CFAP263: variants seen among roughly 807,000 people sequenced by gnomAD.
CFAP263 encodes cilia- and flagella-associated protein 263.
At chr16:58,277,289 C>T in the CFAP263 span, among the ~76,000 whole-genome samples, 3 of 151,878 alleles carry the variant, frequency 2.0e-5, no homozygotes, top group Admixed American at 6.6e-5. Flanking sequence ...TCACCATGCC[C>T]GACTCAGTTT....
At chr16:58,260,561 T>TA in the CFAP263 span, among the ~76,000 whole-genome samples, 2 of 152,208 alleles carry the variant, frequency 1.3e-5, no homozygotes, top group Non-Finnish European at 2.9e-5. Context: ...TTTCTGGGAA[T>TA]ATGGCCTGGT....
At chr16:58,268,001 GGAAAGAGAGAGA>G in the CFAP263 span, among the ~76,000 whole-genome samples, 22 of 150,524 alleles carry the variant, frequency 1.5e-4, no homozygotes, top group Non-Finnish European at 2.8e-4. Context: ...GACAGAGAGA[GGAAAGAGAGAGA>G]GAAAGAGAGA....
At chr16:58,279,851 C>T in the CFAP263 span, 25 of 1,188,510 alleles carry the variant, frequency 2.1e-5, no homozygotes, top group Non-Finnish European at 2.7e-5. Context: ...GTCACGGGCT[C>T]CTCTCACTGT....
chr16:58,263,100 A>G, the CFAP263 span, among the ~76,000 whole-genome samples: 1 of 152,260 alleles, frequency 6.6e-6, no homozygotes. Context: ...ATAATTAAGC[A>G]GAGACTATAG....
At chr16:58,275,142 A>G in the CFAP263 span, among the ~76,000 whole-genome samples, 2 of 152,164 alleles carry the variant, frequency 1.3e-5, no homozygotes, top group Non-Finnish European at 2.9e-5. Flanking sequence ...CATTCTGAAA[A>G]CAAGTTAATA....
At chr16:58,254,565 T>C in the CFAP263 span, among the ~76,000 whole-genome samples, 1 of 152,204 alleles carries the variant, frequency 6.6e-6, no homozygotes, top group Admixed American at 6.5e-5. Context: ...TTAGAAGATA[T>C]AACCATGATA....
At chr16:58,279,204 C>T in the CFAP263 span, among the ~76,000 whole-genome samples, 2 of 152,114 alleles carry the variant, frequency 1.3e-5, no homozygotes, top group Non-Finnish European at 2.9e-5. Flanking sequence ...ACCTAGGCTG[C>T]CGTGGCCAGG....
chr16:58,257,913 G>T, the CFAP263 span, among the ~76,000 whole-genome samples: 1 of 151,946 alleles, frequency 6.6e-6, no homozygotes, highest in African/African-American at 2.4e-5. Flanking sequence ...TTCAAGACCA[G>T]CTGGGCCAAC....
chr16:58,280,174 G>T, the CFAP263 span: 1 of 1,536,058 alleles, frequency 6.5e-7, no homozygotes, highest in Non-Finnish European at 8.8e-7. Flanking sequence ...TGAATGCCTG[G>T]CACTCAGCAT....
the CFAP263 span, chr16:58,280,691 G>A: frequency 6.2e-7 from 1 of 1,614,028 alleles, no homozygotes; most frequent in African/African-American, 1.3e-5. Flanking sequence ...CCGAAGTTCA[G>A]GACTCCTCTC....
chr16:58,257,239 G>C, the CFAP263 span, among the ~76,000 whole-genome samples: 843 of 111,008 alleles, frequency 7.6e-3, 122 homozygotes, highest in East Asian at 0.13. Flanking sequence ...GGATGGTCTC[G>C]ATCTCCTGAC....
At chr16:58,275,375 A>G in the CFAP263 span, among the ~76,000 whole-genome samples, 110,477 of 152,042 alleles carry the variant, frequency 0.73, 41,050 homozygotes, top group African/African-American at 0.89. Context: ...AAAAATGTTA[A>G]TTCTCTTTAA....
the CFAP263 span, chr16:58,283,531 A>AT: frequency 6.6e-6 from 1 of 152,108 alleles, no homozygotes; most frequent in Non-Finnish European, 1.5e-5. Flanking sequence ...AACGGGCAGC[A>AT]TTTTTTTCTT....
chr16:58,250,070 T>G, the CFAP263 span: 1 of 1,598,592 alleles, frequency 6.3e-7, no homozygotes, highest in Non-Finnish European at 8.5e-7. Flanking sequence ...GGGTCGGAGC[T>G]GGAGCTGCCT....
chr16:58,259,683 T>C, the CFAP263 span, among the ~76,000 whole-genome samples: 1 of 152,126 alleles, frequency 6.6e-6, no homozygotes, highest in Admixed American at 6.6e-5. Flanking sequence ...TTCTTGGTCA[T>C]GAAATGTCAT....
chr16:58,283,080 C>T, the CFAP263 span: 1 of 152,280 alleles, frequency 6.6e-6, no homozygotes, highest in African/African-American at 2.4e-5. Flanking sequence ...TGGGGTCTTT[C>T]ATTTTGTGAT....
the CFAP263 span, among the ~76,000 whole-genome samples, chr16:58,268,853 A>AT: frequency 6.6e-6 from 1 of 152,162 alleles, no homozygotes; most frequent in African/African-American, 2.4e-5. Context: ...TGCTTAGTAT[A>AT]TTTTAGTTTT....
chr16:58,260,853 T>C, the CFAP263 span, among the ~76,000 whole-genome samples: 2 of 152,094 alleles, frequency 1.3e-5, no homozygotes, highest in East Asian at 3.9e-4. Flanking sequence ...CATGAAGTGA[T>C]GAAGGACAAA....
the CFAP263 span, among the ~76,000 whole-genome samples, chr16:58,271,902 T>C: frequency 0.14 from 21,747 of 151,966 alleles, 1,671 homozygotes; most frequent in East Asian, 0.2. Context: ...ACTTAAGGAG[T>C]GGGGATTTAT....
Sources: gnomAD v4.1 joint callset for allele counts (sites outside exome capture counted in the v4.1 genomes callset) on GRCh38, gnomAD v4.1.1 for gene constraint, MANE v1.5 for transcripts, NCBI Gene and HGNC (gene_info 2026-07-23, HGNC 2026-07-21) for gene names.